ADPRH: variants seen among roughly 807,000 people sequenced by gnomAD.
The protein encoded by ADPRH is ADP-ribosylarginine hydrolase.
A neutral mutation model predicts 28.8 loss-of-function variants in ADPRH; 27 were observed. The ratio of observed to expected loss-of-function variants is 0.94; its 90% CI spans 0.69 to 1.29. The LOEUF is 1.29. ADPRH is among the 50% of genes most tolerant of loss of function. The pLI, the probability that ADPRH is intolerant of heterozygous loss-of-function variation, is 0.00. For missense variants in ADPRH, 419 were observed against 444.8 expected, an observed-to-expected ratio of 0.94 and a Z score of 0.52; for synonymous variants, 161 against 166.9, an observed-to-expected ratio of 0.96 and a Z score of 0.27.
chr3:119,584,040 A>T (rs908589905), intron 3 of ADPRH, among the ~76,000 whole-genome samples: 1 of 151,740 alleles, frequency 6.6e-6, no homozygotes, highest in Non-Finnish European at 1.5e-5. Flanking sequence ...AGCCTCCCAA[A>T]GTGCTGGGAT....
chr3:119,580,885 G>A (rs1322420442), intron 2 of ADPRH, among the ~76,000 whole-genome samples: 1 of 151,942 alleles, frequency 6.6e-6, no homozygotes, highest in Non-Finnish European at 1.5e-5. Context: ...ATAGAGATTC[G>A]AATTCTCTAG....
At chr3:119,582,937 T>C (rs1355301028) in intron 3 of ADPRH, among the ~76,000 whole-genome samples, 2 of 152,242 alleles carry the variant, frequency 1.3e-5, no homozygotes, top group Admixed American at 6.5e-5. Flanking sequence ...GAGAATCTAA[T>C]GTCTGATGAT....
rs181525798 is a variant in ADPRH, at chr3:119,584,229, G to A, written c.298+1762G>A. ...TTACTTGTATTTCTAAGTTTTCTGTGATGAATAAGTAAAAAGAAAAATGTA... is the reference window on the plus strand; with the variant it reads ...TTACTTGTATTTCTAAGTTTTCTGTAATGAATAAGTAAAAAGAAAAATGTA... On this transcript the variant is annotated intron_variant, in intron 3 of 4. Coordinates refer to ENST00000357003, the MANE Select transcript of ADPRH (RefSeq NM_001125.4). 6.4e-4 allele frequency among the ~76,000 whole-genome samples: 98 copies of A among 152,034 alleles called. No homozygotes were observed. In the Middle Eastern group the frequency reaches 0.017, roughly 26 times the overall value.
intron 2 of ADPRH, among the ~76,000 whole-genome samples, chr3:119,581,276 C>CA (rs1366737250): frequency 6.6e-6 from 1 of 152,108 alleles, no homozygotes; most frequent in African/African-American, 2.4e-5. Flanking sequence ...CCCTGTTGGC[C>CA]AGGCTGGTCT....
At chr3:119,584,695 A>T (rs1056387064) in intron 3 of ADPRH, among the ~76,000 whole-genome samples, 1 of 152,110 alleles carries the variant, frequency 6.6e-6, no homozygotes. Context: ...CATCTGACCT[A>T]CCTCTCCTAT....
intron 4 of ADPRH, 149 bp downstream of exon 4, chr3:119,586,794 A>C: frequency 6.0e-6 from 7 of 1,169,896 alleles, no homozygotes; most frequent in African/African-American, 1.6e-5. Context: ...TAAGGATTTC[A>C]AGTTCCCTTC....
Position 119,583,154 on chromosome 3 carries a change from G to A in ADPRH, c.298+687G>A, listed in dbSNP as rs143587762. Reference sequence around the variant, plus strand: ...TGAGGTAGGATGATTGCTTGAGCCCGGGAGGTTGAGGCTACAGTGAGCTAG... The same window carrying A: ...TGAGGTAGGATGATTGCTTGAGCCCAGGAGGTTGAGGCTACAGTGAGCTAG... On this transcript the variant is annotated intron_variant, in intron 3 of 4. Coordinates refer to ENST00000357003, the MANE Select transcript of ADPRH (RefSeq NM_001125.4). Among the ~76,000 whole-genome samples the A allele has an allele frequency of 2.9e-3, 438 of 152,212 alleles. 1 individual carries two copies. Among genetic ancestry groups the A allele is most frequent in the Non-Finnish European group, 4.5e-3 (309 of 68,008 alleles).
Position 119,588,464 on chromosome 3 carries a change from A to T in ADPRH, c.*586A>T, listed in dbSNP as rs1055739653. 1.3e-5 allele frequency: 2 copies of T among 152,260 alleles called. No homozygotes were observed. Among genetic ancestry groups the T allele is most frequent in the Non-Finnish European group, 2.9e-5 (2 of 68,084 alleles). The allele number at this position is 152,260 out of a possible 1,614,324, so 9.4% of individuals were successfully genotyped here. ...ATTTATCCACTGACTTCCATCTGAC[A>T]CTGGTTGAGGACCACTGCCAGGGAT... On this transcript the variant is annotated 3_prime_UTR_variant, in exon 5 of 5. Coordinates refer to ENST00000357003, the MANE Select transcript of ADPRH (RefSeq NM_001125.4).
At position 119,587,654 on chromosome 3, in the gene ADPRH, G is replaced by C; in HGVS notation, c.850G>C (p.Ala284Pro). The C allele has an allele frequency of 6.2e-7, 1 of 1,614,176 alleles. No individual in the cohort carries two copies. Among genetic ancestry groups the C allele is most frequent in the South Asian group, 1.1e-5 (1 of 91,064 alleles). The change falls in exon 5 of 5, where the codon GCT becomes CCT. Residue 284 changes from alanine (A) to proline (P), a missense_variant. Ala to Pro is a conservative substitution (Grantham distance 27). Transcript: ENST00000357003. ...CATGATTGCCTACGATGCTGTTCTT[G>C]CTGCAGGAGACTCCTGGAAGGAGCT... ...APMIAYDAVL[A>P]AGDSWKELAH...
chr3:119,581,414 GGTT>G (rs2107758755), intron 2 of ADPRH, among the ~76,000 whole-genome samples: 1 of 152,276 alleles, frequency 6.6e-6, no homozygotes, highest in South Asian at 2.1e-4. Flanking sequence ...AAATCCAGGA[GGTT>G]GTTACTTTTT....
rs751501361 is a variant in ADPRH, at chr3:119,586,530, G to A, written c.544G>A (p.Ala182Thr). Residue 182 changes from alanine to threonine, a missense_variant, in exon 4 of 5, where the codon GCT becomes ACT. Physicochemically the swap from Ala to Thr is moderately conservative, Grantham distance 58. Coordinates refer to ENST00000357003, the MANE Select transcript of ADPRH (RefSeq NM_001125.4). ...ALASALFTAY[A>T]VNSRPPLQWG... ...TGCGTCTGCTCTTTTTACAGCCTAT[G>A]CTGTGAATAGCAGACCACCCTTGCA... is the stretch of plus-strand genomic sequence containing the variant. 5.0e-6 allele frequency: 8 copies of A among 1,614,102 alleles called. No homozygotes were observed. In the South Asian group the frequency reaches 5.5e-5, roughly 11 times the overall value.
In ADPRH at chr3:119,589,640, A is replaced by G. The variant is rs1392361705; in HGVS notation, c.*1762A>G. The G allele has an allele frequency of 1.3e-5, 2 of 152,256 alleles. No individual in the cohort carries two copies. The highest frequency in any genetic ancestry group is 2.9e-5 in the Non-Finnish European group (2 of 68,054). The allele number at this position is 152,256 out of a possible 1,614,324, so 9.4% of individuals were successfully genotyped here. ...TGTTTTCTAGTGCAGGGCTTTAGCC[A>G]CAATTGTAAACAACAGGAAAAGGCT... On this transcript the variant is annotated 3_prime_UTR_variant, in exon 5 of 5. Coordinates refer to ENST00000357003, the MANE Select transcript of ADPRH (RefSeq NM_001125.4).
intron 3 of ADPRH, among the ~76,000 whole-genome samples, chr3:119,583,125 G>A (rs2082423561): frequency 6.6e-6 from 1 of 152,166 alleles, no homozygotes; most frequent in African/African-American, 2.4e-5. Flanking sequence ...GCTACTTGGG[G>A]GGCTGAGGTA....
Position 119,589,709 on chromosome 3 carries a change from C to T in ADPRH, c.*1831C>T, listed in dbSNP as rs920048322. The T allele has an allele frequency of 6.6e-6, 1 of 152,196 alleles. No homozygotes were observed. The highest frequency in any genetic ancestry group is 2.4e-5 in the African/African-American group (1 of 41,458). 9.4% of individuals were successfully genotyped at this position (152,196 alleles called of 1,614,324 possible). A position where few individuals can be genotyped will look rare whatever the true frequency, so the allele number is the denominator to read the frequency against. ...ATTTGCTTTGCCGATTGTCACTCTT[C>T]ATCACAGGCACATTTCAAAAAGAGG... On this transcript the variant is annotated 3_prime_UTR_variant, in exon 5 of 5. Transcript: ENST00000357003.
At position 119,580,533 on chromosome 3, in the gene ADPRH, CGTTTA is replaced by C. The variant is rs2082396275; in HGVS notation, c.-122-17_-122-13del. On this transcript the variant is annotated splice_polypyrimidine_tract_variant and intron_variant, in intron 1 of 4. Coordinates refer to ENST00000357003, the MANE Select transcript of ADPRH (RefSeq NM_001125.4). ...GGTAGTGGAACGCATCCATCTTCGT[CGTTTA>C]CTCCTTCTCCAGGGGCTCTCCAGCC... 7 of 152,222 alleles carry C rather than the reference CGTTTA, an allele frequency of 4.6e-5. No individual in the cohort carries two copies. The highest frequency in any genetic ancestry group is 8.8e-5 in the Non-Finnish European group (6 of 68,058). The allele number at this position is 152,222 out of a possible 1,614,324, so 9.4% of individuals were successfully genotyped here. A position where few individuals can be genotyped will look rare whatever the true frequency, so the allele number is the denominator to read the frequency against.
In ADPRH at chr3:119,582,353, G is replaced by A. The variant is rs2082413710; in HGVS notation, c.184G>A (p.Ala62Thr). ...TAGTGACGACACAGTGATGCACTTG[G>A]CCACAGCAGAAGCTCTTGTGGAAGC... ...RVSDDTVMHLATAEALVEAGK... is the reference protein window; with the variant it reads ...RVSDDTVMHLTTAEALVEAGK... Residue 62 changes from alanine to threonine, a missense_variant, in exon 3 of 5, where the codon GCC (alanine) becomes ACC (threonine). Physicochemically the swap from Ala to Thr is moderately conservative, Grantham distance 58. Transcript: ENST00000357003. 6.2e-7 allele frequency: 1 copy of A among 1,614,086 alleles called. No homozygotes were observed. Among genetic ancestry groups the A allele is most frequent in the Non-Finnish European group, 8.5e-7 (1 of 1,180,038 alleles).
intron 2 of ADPRH, 120 bp from the exon 3 acceptor site, chr3:119,582,014 A>G: frequency 1.4e-6 from 1 of 730,234 alleles, no homozygotes; most frequent in South Asian, 2.0e-5. Flanking sequence ...ATTACATGAG[A>G]TGCCACTGAT....
At position 119,582,570 on chromosome 3, in the gene ADPRH, GT is replaced by G. The variant is rs2107759758; in HGVS notation, c.298+106del. 3.2e-6 allele frequency: 4 copies of G among 1,250,812 alleles called. No homozygotes were observed. In the South Asian group the frequency reaches 6.0e-5, roughly 19 times the overall value. 77.5% of individuals were successfully genotyped at this position (1,250,812 alleles called of 1,614,324 possible). ...AGATTTAAATAACAGAGACAATAGT[GT>G]TTGTAAATGTGATAAAAATAGAAAT... On this transcript the variant is annotated intron_variant, in intron 3 of 4. Transcript: ENST00000357003.
chr3:119,582,763 G>A (rs2107759899), intron 3 of ADPRH, among the ~76,000 whole-genome samples: 1 of 152,304 alleles, frequency 6.6e-6, no homozygotes, highest in African/African-American at 2.4e-5. Flanking sequence ...CTGATCCGTG[G>A]CTTGTTAGGA....
Sources: allele counts gnomAD v4.1 joint callset (sites outside exome capture counted in the v4.1 genomes callset), GRCh38; gene constraint gnomAD v4.1.1; transcripts MANE v1.5; gene names NCBI Gene and HGNC (gene_info 2026-07-23, HGNC 2026-07-21).